Variants in AIG1 observed in about 807,000 individuals in gnomAD.
AIG1 encodes androgen-induced gene 1 protein.
In AIG1, 23 loss-of-function variants were observed where a neutral mutation model predicts 31.4. The observed-to-expected ratio is 0.73, with a 90% confidence interval of 0.53 to 1.04. AIG1 has a LOEUF of 1.04. AIG1 is among the 50% of genes least tolerant of loss of function. The probability of loss-of-function intolerance (pLI) is 0.00; values close to 1 mark genes in which losing one functional copy is unlikely to be tolerated. For missense variants in AIG1, 274 were observed against 295.0 expected (o/e 0.93, Z 0.52); for synonymous variants, 100 against 110.5 (o/e 0.90, Z 0.60).
chr6:143,133,361 C>T (rs1488588660), intron 1 of AIG1, among the ~76,000 whole-genome samples: 1 of 151,980 alleles, frequency 6.6e-6, no homozygotes, highest in South Asian at 2.1e-4. Context: ...AATAAGGCCT[C>T]TTCTATGTGA....
intron 5 of AIG1, chr6:143,335,301 A>T: frequency 2.7e-6 from 1 of 377,308 alleles, no homozygotes; most frequent in Non-Finnish European, 4.6e-6. Context: ...TGGGAGACTG[A>T]GGCAGGTGGA....
chr6:143,244,557 A>C (rs1366550249), intron 3 of AIG1, among the ~76,000 whole-genome samples: 2 of 152,204 alleles, frequency 1.3e-5, no homozygotes, highest in Non-Finnish European at 2.9e-5. Flanking sequence ...GGGCTTTAAT[A>C]ATGTCACTGC....
intron 1 of AIG1, among the ~76,000 whole-genome samples, chr6:143,062,983 A>G (rs1345362518): frequency 2.0e-5 from 3 of 152,190 alleles, no homozygotes; most frequent in Non-Finnish European, 4.4e-5. Flanking sequence ...CTTGCAGTAG[A>G]TGCTGTGTTG....
intron 1 of AIG1, among the ~76,000 whole-genome samples, chr6:143,124,569 A>G (rs903090892): frequency 5.9e-5 from 9 of 152,148 alleles, no homozygotes; most frequent in Non-Finnish European, 8.8e-5. Flanking sequence ...CAGGCTGCAA[A>G]CACACCTTTT....
intron 1 of AIG1, among the ~76,000 whole-genome samples, chr6:143,065,999 A>C (rs2128457710): frequency 6.6e-6 from 1 of 152,258 alleles, no homozygotes; most frequent in Admixed American, 6.5e-5. Flanking sequence ...CTGGCTTTTC[A>C]TTCATGTCAT....
In AIG1 at chr6:143,258,861, C is replaced by G. The variant is rs563142105; in HGVS notation, c.400-25249C>G. On this transcript the variant is annotated intron_variant, in intron 3 of 5. Coordinates refer to ENST00000357847, the MANE Select transcript of AIG1 (RefSeq NM_016108.4). This position sits in a 1 kb window ranked among gnomAD's most constrained non-coding sequence, Gnocchi z 4.7. ...GGACCCTCATGAATAGATGGATGTC[C>G]TCGTGCAGGAATGGATTAGTTACCA... Among the ~76,000 whole-genome samples the G allele has an allele frequency of 9.2e-5, 14 of 152,116 alleles. No individual in the cohort carries two copies. Among genetic ancestry groups the G allele is most frequent in the Admixed American group, 2.0e-4 (3 of 15,274 alleles).
At chr6:143,060,092 T>C (rs1177943489), upstream of AIG1, among the ~76,000 whole-genome samples, 1 of 152,254 alleles carries the variant, frequency 6.6e-6, no homozygotes, top group Non-Finnish European at 1.5e-5. Flanking sequence ...AGAAAGTTAT[T>C]TGAAAATCCT....
chr6:143,341,666 T>C (rs1027921565), downstream of AIG1, among the ~76,000 whole-genome samples: 1 of 152,198 alleles, frequency 6.6e-6, no homozygotes, highest in African/African-American at 2.4e-5. Context: ...GCTGACACCT[T>C]GATCTTGGAC....
intron 1 of AIG1, among the ~76,000 whole-genome samples, chr6:143,062,190 A>AG (rs1211737291): frequency 6.6e-6 from 1 of 152,226 alleles, no homozygotes; most frequent in African/African-American, 2.4e-5. Context: ...TGGTTTAAAA[A>AG]TAACACCTTA....
chr6:143,161,452 C>T (rs1786361826), intron 2 of AIG1, among the ~76,000 whole-genome samples: 1 of 151,668 alleles, frequency 6.6e-6, no homozygotes, highest in Non-Finnish European at 1.5e-5. Context: ...GATCAGAAAT[C>T]AGTATACTTC....
chr6:143,138,791 G>C (rs1275809462), intron 2 of AIG1, among the ~76,000 whole-genome samples: 1 of 151,774 alleles, frequency 6.6e-6, no homozygotes, highest in Non-Finnish European at 1.5e-5. Context: ...TACTCAGGAG[G>C]CTGATGCAGG....
chr6:143,084,157 A>G (rs566392111), intron 1 of AIG1, among the ~76,000 whole-genome samples: 3 of 152,062 alleles, frequency 2.0e-5, no homozygotes, highest in Non-Finnish European at 4.4e-5. Context: ...GGTCAAGCAT[A>G]CCCGAGGCTC....
chr6:143,115,990 G>A (rs923056449), intron 1 of AIG1, among the ~76,000 whole-genome samples: 3 of 152,206 alleles, frequency 2.0e-5, no homozygotes, highest in African/African-American at 7.2e-5. Flanking sequence ...CCTGCTTTGT[G>A]TCAGACACTG....
chr6:143,239,336 A>G (rs1300759588), intron 3 of AIG1, among the ~76,000 whole-genome samples: 2 of 152,244 alleles, frequency 1.3e-5, no homozygotes, highest in African/African-American at 4.8e-5. Context: ...ATTTCTGAGC[A>G]GATATTAATG....
chr6:143,149,354 G>A (rs1016708696), intron 2 of AIG1, among the ~76,000 whole-genome samples: 7 of 151,560 alleles, frequency 4.6e-5, no homozygotes, highest in Admixed American at 3.3e-4. Flanking sequence ...GTGAAACCCC[G>A]TCCCTACTAA....
At chr6:143,126,542 T>C (rs1782701609) in intron 1 of AIG1, among the ~76,000 whole-genome samples, 1 of 152,214 alleles carries the variant, frequency 6.6e-6, no homozygotes, top group South Asian at 2.1e-4. Flanking sequence ...GGGGATCCCT[T>C]GAAGATGGTG....
At chr6:143,146,404 A>G (rs1040817219) in intron 2 of AIG1, among the ~76,000 whole-genome samples, 32 of 152,282 alleles carry the variant, frequency 2.1e-4, no homozygotes, top group African/African-American at 7.5e-4. Context: ...GACCAGGGAC[A>G]AGATGCAATA....
At chr6:143,275,511 C>T (rs1796830283) in intron 3 of AIG1, among the ~76,000 whole-genome samples, 2 of 152,192 alleles carry the variant, frequency 1.3e-5, no homozygotes, top group Admixed American at 6.5e-5. Flanking sequence ...CCCTCACCCT[C>T]ACCCGTGCAA....
intron 2 of AIG1, among the ~76,000 whole-genome samples, chr6:143,139,454 AT>A (rs1409083695): frequency 6.6e-6 from 1 of 152,110 alleles, no homozygotes; most frequent in Non-Finnish European, 1.5e-5. Context: ...GCTCTTGAGA[AT>A]CACAAAAGAA....
Sources: gnomAD v4.1 joint callset for allele counts (sites outside exome capture counted in the v4.1 genomes callset) on GRCh38, gnomAD v4.1.1 for gene constraint, Gnocchi (gnomAD v3.1) non-coding constraint, MANE v1.5 for transcripts, NCBI Gene and HGNC (gene_info 2026-07-23, HGNC 2026-07-21) for gene names.